NIPBL: variants seen among roughly 807,000 people sequenced by gnomAD.
NIPBL encodes the protein nipped-B-like protein.
Under a neutral mutation model 321.8 loss-of-function variants are expected in NIPBL, and 19 were observed. The observed-to-expected ratio is 0.06, with a 90% CI of 0.04 to 0.09. The LOEUF (loss-of-function observed/expected upper bound fraction) is 0.09, where lower values mean the gene tolerates loss of function less well. NIPBL is among the 10% of genes least tolerant of loss of function. NIPBL has a pLI of 1.00. For missense variants in NIPBL, 2,210 were observed against 3,327.0 expected (o/e 0.66, Z 8.26); for synonymous variants, 1,106 against 1,114.1 (o/e 0.99, Z 0.14).
At chr5:37,014,462 C>G (rs866371248) in intron 21 of NIPBL, among the ~76,000 whole-genome samples, 1 of 152,048 alleles carries the variant, frequency 6.6e-6, no homozygotes, top group South Asian at 2.1e-4. Flanking sequence ...GTTACTCTTA[C>G]ATTATTTTAA....
At chr5:37,048,000 TA>T (rs1753155020) in intron 38 of NIPBL, among the ~76,000 whole-genome samples, 1 of 152,148 alleles carries the variant, frequency 6.6e-6, no homozygotes, top group African/African-American at 2.4e-5. Flanking sequence ...ATTTTTTTTT[TA>T]AAATAATGTC....
At chr5:36,964,449 A>C (rs1322568539) in intron 6 of NIPBL, among the ~76,000 whole-genome samples, 1 of 152,152 alleles carries the variant, frequency 6.6e-6, no homozygotes, top group Non-Finnish European at 1.5e-5. Flanking sequence ...AGATATTTAC[A>C]GGCAACTTAC....
intron 1 of NIPBL, among the ~76,000 whole-genome samples, chr5:36,883,693 T>A (rs1745671364): frequency 6.6e-6 from 1 of 152,042 alleles, no homozygotes; most frequent in African/African-American, 2.4e-5. Context: ...TTCTCAACAC[T>A]GCTACTTGTC....
At chr5:36,998,931 G>GAT (rs1338702373) in intron 11 of NIPBL, among the ~76,000 whole-genome samples, 1 of 152,088 alleles carries the variant, frequency 6.6e-6, no homozygotes, top group Non-Finnish European at 1.5e-5. Context: ...GAAAATCTCA[G>GAT]ATATTTATAT....
intron 32 of NIPBL, among the ~76,000 whole-genome samples, chr5:37,034,027 A>G (rs1751420982): frequency 6.6e-6 from 1 of 152,090 alleles, no homozygotes; most frequent in African/African-American, 2.4e-5. Context: ...ATAAATACAT[A>G]AGAACTTCTC....
intron 32 of NIPBL, among the ~76,000 whole-genome samples, chr5:37,034,632 A>G (rs1751484460): frequency 6.6e-6 from 1 of 152,232 alleles, no homozygotes. Flanking sequence ...TACATCAAGT[A>G]TACTACCTTT....
intron 1 of NIPBL, among the ~76,000 whole-genome samples, chr5:36,923,303 C>G (rs929143281): frequency 1.3e-5 from 2 of 151,946 alleles, no homozygotes; most frequent in Non-Finnish European, 2.9e-5. Flanking sequence ...GAGACTCCAT[C>G]TCAAAACAAA....
At chr5:37,058,751 A>C in intron 43 of NIPBL, 140 bp from the exon 44 acceptor site, 1 of 672,006 alleles carries the variant, frequency 1.5e-6, no homozygotes, top group Non-Finnish European at 2.5e-6. Context: ...CTAAGATTAC[A>C]TATCCAGTTG....
intron 40 of NIPBL, chr5:37,050,953 C>T (rs951001843): frequency 1.3e-5 from 2 of 152,186 alleles, no homozygotes. Flanking sequence ...CCTCTGCCTC[C>T]CAAGTAGCTG....
At chr5:36,886,757 T>C (rs1261496704) in intron 1 of NIPBL, among the ~76,000 whole-genome samples, 1 of 151,876 alleles carries the variant, frequency 6.6e-6, no homozygotes, top group Non-Finnish European at 1.5e-5. Context: ...AGTTCCCATG[T>C]ATCCCTTTGT....
At chr5:36,892,967 A>G (rs1265335074) in intron 1 of NIPBL, among the ~76,000 whole-genome samples, 1 of 152,234 alleles carries the variant, frequency 6.6e-6, no homozygotes, top group East Asian at 1.9e-4. Flanking sequence ...ATGGTGGATT[A>G]TAATCTTACT....
intron 1 of NIPBL, among the ~76,000 whole-genome samples, chr5:36,897,592 A>G (rs920258896): frequency 1.3e-5 from 2 of 152,220 alleles, no homozygotes; most frequent in African/African-American, 2.4e-5. Context: ...AAGTAAGATC[A>G]GACAACTCAG....
At chr5:36,932,244 A>G (rs1749830073) in intron 1 of NIPBL, among the ~76,000 whole-genome samples, 1 of 152,166 alleles carries the variant, frequency 6.6e-6, no homozygotes, top group Admixed American at 6.6e-5. Context: ...GTGTTCTGTA[A>G]ACTTAAGTTA....
At chr5:36,915,892 G>A (rs1231436982) in intron 1 of NIPBL, among the ~76,000 whole-genome samples, 2 of 152,064 alleles carry the variant, frequency 1.3e-5, no homozygotes, top group African/African-American at 4.8e-5. Context: ...TAAGAACCCA[G>A]CTGTTAGCTT....
At chr5:36,882,125 A>C (rs1745552052) in intron 1 of NIPBL, among the ~76,000 whole-genome samples, 1 of 151,986 alleles carries the variant, frequency 6.6e-6, no homozygotes, top group Admixed American at 6.5e-5. Context: ...CAGTACATAC[A>C]ACCTTATAGG....
intron 21 of NIPBL, among the ~76,000 whole-genome samples, chr5:37,010,544 G>T (rs578175154): frequency 1.1e-4 from 17 of 152,060 alleles, no homozygotes; most frequent in Non-Finnish European, 2.4e-4. Context: ...TCGAACTCAT[G>T]ATCCACCCTC....
chr5:37,029,796 T>C (rs1217162753), intron 32 of NIPBL, among the ~76,000 whole-genome samples: 1 of 152,202 alleles, frequency 6.6e-6, no homozygotes, highest in Non-Finnish European at 1.5e-5. Context: ...ATGTCTTTTT[T>C]AAAAAACCTT....
chr5:36,882,483 A>G (rs1343982704), intron 1 of NIPBL, among the ~76,000 whole-genome samples: 1 of 151,990 alleles, frequency 6.6e-6, no homozygotes, highest in African/African-American at 2.4e-5. Flanking sequence ...TAAGTTCAAG[A>G]CAGTGGAGAA....
chr5:36,898,095 A>C (rs1448759183), intron 1 of NIPBL, among the ~76,000 whole-genome samples: 2 of 152,190 alleles, frequency 1.3e-5, no homozygotes, highest in African/African-American at 4.8e-5. Flanking sequence ...TGTCAAACAC[A>C]CATATAAAAA....
Sources: allele counts gnomAD v4.1 joint callset (sites outside exome capture counted in the v4.1 genomes callset), GRCh38; gene constraint gnomAD v4.1.1; transcripts MANE v1.5; gene names NCBI Gene and HGNC (gene_info 2026-07-23, HGNC 2026-07-21).